Variants in AAK1 observed in about 807,000 individuals in gnomAD.
The protein encoded by AAK1 is AP2 associated kinase 1.
AAK1 carries 37 observed loss-of-function variants against 116.0 expected under a neutral mutation model. That is an observed-to-expected ratio of 0.32 (90% CI 0.25 to 0.42). AAK1 has a LOEUF of 0.42. Ranked by LOEUF, AAK1 falls within the 10% of genes least tolerant of loss-of-function variation. AAK1 has a pLI of 1.00. For missense variants in AAK1, 919 were observed against 1,170.6 expected, an observed-to-expected ratio of 0.79 and a Z score of 3.14; for synonymous variants, 458 against 439.9, an observed-to-expected ratio of 1.04 and a Z score of -0.51.
At chr2:69,593,580 T>C (rs1219948618) in intron 2 of AAK1, among the ~76,000 whole-genome samples, 3 of 152,086 alleles carry the variant, frequency 2.0e-5, no homozygotes, top group Non-Finnish European at 4.4e-5. Context: ...CTAAATACCA[T>C]ACTAATGTGC....
chr2:69,506,663 T>C (rs1295011093), intron 15 of AAK1, among the ~76,000 whole-genome samples: 2 of 152,112 alleles, frequency 1.3e-5, no homozygotes, highest in African/African-American at 2.4e-5. Flanking sequence ...CACACCTGGA[T>C]TGGAGTTTTA....
At position 69,517,525 on chromosome 2, in the gene AAK1, G is replaced by A. The variant is rs1471637929; in HGVS notation, c.1497+1429C>T. Among the ~76,000 whole-genome samples, 11 of 119,558 alleles carry A rather than the reference G, an allele frequency of 9.2e-5. No individual in the cohort carries two copies. In the East Asian group the frequency reaches 9.7e-4, roughly 10 times the overall value. 78.4% of individuals were successfully genotyped at this position (119,558 alleles called of 152,430 possible). On this transcript the variant is annotated intron_variant, in intron 12 of 21. Transcript: ENST00000409085. ...TCTTCAGGGAAATCTGAAAGTACAC[G>A]CTCCCTGATCTTAATATCAGTGAAA...
At chr2:69,608,876 T>C (rs1275777999) in intron 2 of AAK1, among the ~76,000 whole-genome samples, 2 of 152,100 alleles carry the variant, frequency 1.3e-5, no homozygotes, top group Non-Finnish European at 2.9e-5. Context: ...TTACAATGCA[T>C]CAAAAACAAT....
At chr2:69,525,910 C>T (rs1438238757) in intron 9 of AAK1, among the ~76,000 whole-genome samples, 3 of 151,976 alleles carry the variant, frequency 2.0e-5, no homozygotes, top group Non-Finnish European at 4.4e-5. Flanking sequence ...TTGGTTACTG[C>T]ACAGTATCCC....
intron 17 of AAK1, among the ~76,000 whole-genome samples, chr2:69,484,901 TA>T (rs559666171): frequency 5.3e-4 from 74 of 140,008 alleles, no homozygotes; most frequent in Admixed American, 3.3e-3. Context: ...AATAAAAACA[TA>T]AAAAAAAGGA....
At chr2:69,563,933 C>G (rs1671754532) in intron 2 of AAK1, among the ~76,000 whole-genome samples, 1 of 152,148 alleles carries the variant, frequency 6.6e-6, no homozygotes, top group Non-Finnish European at 1.5e-5. Context: ...GTGGCTCACG[C>G]CTGTAATCCC....
chr2:69,518,438 A>G (rs1158013220), intron 12 of AAK1, among the ~76,000 whole-genome samples: 1 of 126,842 alleles, frequency 7.9e-6, no homozygotes, highest in African/African-American at 3.1e-5. Flanking sequence ...TTTTTTTTTG[A>G]GACAGAGTCT....
intron 10 of AAK1, among the ~76,000 whole-genome samples, chr2:69,521,589 C>CT (rs1174644572): frequency 6.6e-6 from 1 of 152,182 alleles, no homozygotes; most frequent in Non-Finnish European, 1.5e-5. Flanking sequence ...TACATACTAT[C>CT]TTTTTTCCAC....
chr2:69,497,127 C>T (rs1675775933), intron 16 of AAK1, among the ~76,000 whole-genome samples: 1 of 151,816 alleles, frequency 6.6e-6, no homozygotes, highest in Non-Finnish European at 1.5e-5. Context: ...TTCTTGGTTT[C>T]CACTTTATCA....
At chr2:69,499,055 C>T (rs1027640539) in intron 16 of AAK1, among the ~76,000 whole-genome samples, 2 of 152,188 alleles carry the variant, frequency 1.3e-5, no homozygotes, top group African/African-American at 2.4e-5. Context: ...GGCCGGTCAG[C>T]CCCAGTGTGC....
At chr2:69,550,920 T>C (rs1276923308) in intron 3 of AAK1, among the ~76,000 whole-genome samples, 1 of 152,168 alleles carries the variant, frequency 6.6e-6, no homozygotes, top group African/African-American at 2.4e-5. Flanking sequence ...CCAGCCGTCA[T>C]TCATTTTTAA....
chr2:69,476,339 T>C (rs1186089509), intron 21 of AAK1, among the ~76,000 whole-genome samples: 1 of 152,188 alleles, frequency 6.6e-6, no homozygotes, highest in African/African-American at 2.4e-5. Context: ...TCAATAATTT[T>C]TGCTTTGGGG....
chr2:69,570,426 A>G (rs1266571359), intron 2 of AAK1, among the ~76,000 whole-genome samples: 1 of 152,026 alleles, frequency 6.6e-6, no homozygotes, highest in Non-Finnish European at 1.5e-5. Flanking sequence ...TGCACTTATC[A>G]TAATGTATTG....
At chr2:69,614,147 C>T (rs2105223202) in intron 2 of AAK1, among the ~76,000 whole-genome samples, 1 of 152,290 alleles carries the variant, frequency 6.6e-6, no homozygotes, top group South Asian at 2.1e-4. Flanking sequence ...GCTCAGAAGA[C>T]AAGCAACAAA....
chr2:69,613,648 A>G (rs1185685714), intron 2 of AAK1, among the ~76,000 whole-genome samples: 4 of 152,196 alleles, frequency 2.6e-5, no homozygotes, highest in Non-Finnish European at 5.9e-5. Flanking sequence ...AACCCTAAAT[A>G]AAGGGGTTTA....
chr2:69,630,993 G>A (rs534416674), intron 2 of AAK1, among the ~76,000 whole-genome samples: 4 of 152,312 alleles, frequency 2.6e-5, no homozygotes, highest in East Asian at 3.9e-4. Context: ...TCCCAGGGGA[G>A]ATTAAACAAG....
intron 2 of AAK1, among the ~76,000 whole-genome samples, chr2:69,575,176 T>A (rs1235906936): frequency 6.6e-6 from 1 of 152,108 alleles, no homozygotes; most frequent in African/African-American, 2.4e-5. Flanking sequence ...GTTGTTTGTT[T>A]TTAGAAAAAC....
intron 17 of AAK1, among the ~76,000 whole-genome samples, chr2:69,491,475 T>C (rs564250226): frequency 6.6e-6 from 1 of 152,140 alleles, no homozygotes; most frequent in African/African-American, 2.4e-5. Flanking sequence ...AAAATAAAAA[T>C]ATTCCTTAAA....
chr2:69,467,745 T>G lies in AAK1; in HGVS notation c.*8124A>C. On this transcript the variant is annotated 3_prime_UTR_variant, in exon 22 of 22. Coordinates refer to ENST00000409085, the MANE Select transcript of AAK1 (RefSeq NM_014911.5). ...ATTTCTGCCAAAAATTATCCCCTGC[T>G]AAAGTTTCTGCATGAATTAAGCACA... 1 of 985,422 alleles carries G rather than the reference T, an allele frequency of 1.0e-6. No individual in the cohort carries two copies. The highest frequency in any genetic ancestry group is 1.2e-6 in the Non-Finnish European group (1 of 829,918). The allele number at this position is 985,422 out of a possible 1,614,324, so 61.0% of individuals were successfully genotyped here.
Sources: gnomAD v4.1 joint callset for allele counts (sites outside exome capture counted in the v4.1 genomes callset) on GRCh38, gnomAD v4.1.1 for gene constraint, MANE v1.5 for transcripts, NCBI Gene and HGNC (gene_info 2026-07-23, HGNC 2026-07-21) for gene names.